Variants in RBFOX1 observed in about 807,000 individuals in gnomAD.
The protein encoded by RBFOX1 is RNA binding protein fox-1 homolog 1.
RBFOX1 carries 8 observed loss-of-function variants against 57.7 expected under a neutral mutation model. The observed-to-expected ratio is 0.14, with a 90% confidence interval of 0.08 to 0.25. The LOEUF (loss-of-function observed/expected upper bound fraction) is 0.25, where lower values mean the gene tolerates loss of function less well. Ranked by LOEUF, RBFOX1 falls within the 10% of genes least tolerant of loss-of-function variation. The pLI, the probability that RBFOX1 is intolerant of heterozygous loss-of-function variation, is 1.00. For missense variants in RBFOX1, 611 were observed against 548.5 expected (o/e 1.11, Z -1.14); for synonymous variants, 326 against 222.4 (o/e 1.47, Z -4.15).
rs759271386 is a variant in RBFOX1 at position 6,853,977 on chromosome 16, G to A, written c.-15-198080G>A. Among the ~76,000 whole-genome samples, 47 of 152,202 alleles carry A rather than the reference G, an allele frequency of 3.1e-4. No homozygotes were observed. The Middle Eastern group carries it at 0.01, about 33-fold the overall frequency. On this transcript the variant is annotated intron_variant, in intron 3 of 15. Transcript: ENST00000550418. ...TTTATTTTTTCAGACAGTCATCTCC[G>A]TAATGAGCTATTAGTCTGCAGGCCA...
intron 2 of RBFOX1, among the ~76,000 whole-genome samples, chr16:6,322,704 G>A (rs1430123497): frequency 6.6e-6 from 1 of 152,172 alleles, no homozygotes; most frequent in Non-Finnish European, 1.5e-5. Context: ...GGGAGACACA[G>A]TTCTCTCACA....
At chr16:6,889,317 T>A (rs1482126135) in intron 3 of RBFOX1, among the ~76,000 whole-genome samples, 4 of 152,198 alleles carry the variant, frequency 2.6e-5, no homozygotes, top group Admixed American at 6.5e-5. Context: ...GGATGTCACT[T>A]TCAAGTGGAA....
At chr16:6,882,893 C>A (rs11077098) in intron 3 of RBFOX1, among the ~76,000 whole-genome samples, 4,711 of 152,168 alleles carry the variant, frequency 0.031, 166 homozygotes, top group East Asian at 0.12. Context: ...TCCTATTTTC[C>A]ATTATACTTA....
intron 4 of RBFOX1, among the ~76,000 whole-genome samples, chr16:5,961,431 C>G (rs957455075): frequency 1.3e-5 from 2 of 151,970 alleles, no homozygotes; most frequent in African/African-American, 2.4e-5. Flanking sequence ...CCTTACTTCA[C>G]ACTATATTTG....
intron 4 of RBFOX1, among the ~76,000 whole-genome samples, chr16:5,940,482 A>G (rs1193001695): frequency 6.6e-6 from 1 of 152,202 alleles, no homozygotes; most frequent in Non-Finnish European, 1.5e-5. Context: ...CCATGGGGGA[A>G]TGTCAGACTG....
chr16:5,757,766 G>T (rs1314274357), intron 3 of RBFOX1, among the ~76,000 whole-genome samples: 2 of 152,184 alleles, frequency 1.3e-5, no homozygotes, highest in Admixed American at 6.5e-5. Flanking sequence ...GCTTGAAAAG[G>T]TTAAGTAGAC....
chr16:6,709,460 C>G (rs1193139013), intron 3 of RBFOX1, among the ~76,000 whole-genome samples: 1 of 152,190 alleles, frequency 6.6e-6, no homozygotes, highest in Non-Finnish European at 1.5e-5. Context: ...GTTCTTCATA[C>G]AATATAGCTG....
At chr16:6,899,062 C>T (rs111067675) in intron 3 of RBFOX1, among the ~76,000 whole-genome samples, 2,569 of 148,806 alleles carry the variant, frequency 0.017, 69 homozygotes, top group African/African-American at 0.061. Context: ...ATGTATAATA[C>T]ATGTATTACA....
At chr16:7,002,531 G>GT (rs1271920716) in intron 3 of RBFOX1, among the ~76,000 whole-genome samples, 1 of 152,138 alleles carries the variant, frequency 6.6e-6, no homozygotes, top group Non-Finnish European at 1.5e-5. Flanking sequence ...GGCCAAAATG[G>GT]TGAAACCCCG....
chr16:6,116,826 A>G (rs1567494244), intron 1 of RBFOX1, among the ~76,000 whole-genome samples: 1 of 152,084 alleles, frequency 6.6e-6, no homozygotes, highest in Admixed American at 6.6e-5. Context: ...AAGAGATGAG[A>G]TGAAATTGGG....
intron 2 of RBFOX1, among the ~76,000 whole-genome samples, chr16:6,643,347 C>G (rs886950962): frequency 5.3e-5 from 8 of 152,150 alleles, no homozygotes; most frequent in African/African-American, 1.9e-4. Context: ...TAAAATCTAT[C>G]ACTGCAAACA....
intron 3 of RBFOX1, among the ~76,000 whole-genome samples, chr16:6,820,703 C>T (rs1322063252): frequency 6.6e-6 from 1 of 151,926 alleles, no homozygotes; most frequent in African/African-American, 2.4e-5. Flanking sequence ...CCGAAAACTG[C>T]AGTGCATTCT....
intron 11 of RBFOX1, among the ~76,000 whole-genome samples, chr16:7,633,848 T>C (rs9673471): frequency 0.22 from 32,720 of 152,160 alleles, 4,073 homozygotes; most frequent in African/African-American, 0.34. Context: ...TATGGCTTTT[T>C]GGTCTAGGCT....
chr16:6,077,006 C>G (rs565281883), intron 1 of RBFOX1, among the ~76,000 whole-genome samples: 5 of 152,308 alleles, frequency 3.3e-5, no homozygotes, highest in South Asian at 4.1e-4. Flanking sequence ...CAGCCAATAT[C>G]TAGCCTGCTT....
intron 2 of RBFOX1, among the ~76,000 whole-genome samples, chr16:5,532,733 T>C (rs1481332963): frequency 6.6e-6 from 1 of 152,200 alleles, no homozygotes; most frequent in African/African-American, 2.4e-5. Context: ...TTATCAAAAG[T>C]GGCTTCACCC....
chr16:6,499,630 A>G (rs561762651), intron 2 of RBFOX1, among the ~76,000 whole-genome samples: 3 of 152,226 alleles, frequency 2.0e-5, no homozygotes, highest in South Asian at 2.1e-4. Context: ...TCAGTAGGGC[A>G]TGAGGTATTT....
chr16:5,550,232 G>C (rs2045407445), intron 2 of RBFOX1, among the ~76,000 whole-genome samples: 1 of 152,182 alleles, frequency 6.6e-6, no homozygotes, highest in Non-Finnish European at 1.5e-5. Context: ...TTGTAGGGTA[G>C]GACTGAACTG....
intron 1 of RBFOX1, among the ~76,000 whole-genome samples, chr16:6,084,593 C>G (rs72772870): frequency 0.038 from 5,840 of 151,928 alleles, 194 homozygotes; most frequent in East Asian, 0.2. Context: ...GTCAAGGACC[C>G]TTTATAACGG....
At chr16:6,542,501 T>C (rs2096836166) in intron 2 of RBFOX1, among the ~76,000 whole-genome samples, 1 of 135,648 alleles carries the variant, frequency 7.4e-6, no homozygotes, top group Admixed American at 7.6e-5. Flanking sequence ...TTTTTTTTTT[T>C]TTTTTTGAGC....
Sources: gnomAD v4.1 joint callset for allele counts (sites outside exome capture counted in the v4.1 genomes callset) on GRCh38, gnomAD v4.1.1 for gene constraint, MANE v1.5 for transcripts, NCBI Gene and HGNC (gene_info 2026-07-23, HGNC 2026-07-21) for gene names.